ARHGAP20: variants seen among roughly 807,000 people sequenced by gnomAD.
ARHGAP20 encodes the protein Rho GTPase activating protein 20.
A neutral mutation model predicts 73.7 loss-of-function variants in ARHGAP20; 34 were observed. The ratio of observed to expected loss-of-function variants is 0.46; its 90% CI spans 0.35 to 0.61. The LOEUF (loss-of-function observed/expected upper bound fraction) is 0.61. ARHGAP20 is among the 20% of genes least tolerant of loss of function. ARHGAP20 has a pLI of 0.00. For synonymous variants in ARHGAP20, 523 were observed against 518.2 expected, an observed-to-expected ratio of 1.01 and a Z score of -0.13; for missense variants, 1,314 against 1,420.9, an observed-to-expected ratio of 0.92 and a Z score of 1.21.
chr11:110,646,000 A>G (rs1357666564), intron 2 of ARHGAP20, among the ~76,000 whole-genome samples: 1 of 152,166 alleles, frequency 6.6e-6, no homozygotes, highest in Non-Finnish European at 1.5e-5. Context: ...AAGGGCTGAG[A>G]AACTACCTAT....
intron 3 of ARHGAP20, among the ~76,000 whole-genome samples, chr11:110,627,803 C>G (rs2134947038): frequency 6.6e-6 from 1 of 152,210 alleles, no homozygotes; most frequent in East Asian, 1.9e-4. Flanking sequence ...ATATTAACTT[C>G]TTTCTAAATA....
At chr11:110,603,122 G>A (rs538817993) in intron 9 of ARHGAP20, among the ~76,000 whole-genome samples, 1 of 152,204 alleles carries the variant, frequency 6.6e-6, no homozygotes, top group Non-Finnish European at 1.5e-5. Flanking sequence ...GATCAGTACT[G>A]TCAACAGTGA....
At chr11:110,669,036 A>G (rs747094347) in intron 2 of ARHGAP20, among the ~76,000 whole-genome samples, 3 of 152,194 alleles carry the variant, frequency 2.0e-5, no homozygotes, top group African/African-American at 7.2e-5. Context: ...GAAAACATAG[A>G]AGGAAATTTT....
intron 2 of ARHGAP20, among the ~76,000 whole-genome samples, chr11:110,677,092 CTTCA>C (rs1005725661): frequency 6.6e-6 from 1 of 152,134 alleles, no homozygotes; most frequent in African/African-American, 2.4e-5. Context: ...TTTGGTTGGT[CTTCA>C]TTATCATGAT....
At chr11:110,634,030 T>C (rs943512399) in intron 2 of ARHGAP20, among the ~76,000 whole-genome samples, 1 of 152,064 alleles carries the variant, frequency 6.6e-6, no homozygotes, top group Non-Finnish European at 1.5e-5. Flanking sequence ...AGAGAACCTA[T>C]GAACAAAGAT....
At chr11:110,620,629 G>C (rs1000186765) in intron 4 of ARHGAP20, among the ~76,000 whole-genome samples, 2 of 152,036 alleles carry the variant, frequency 1.3e-5, no homozygotes, top group Non-Finnish European at 2.9e-5. Context: ...TGAAAAACTT[G>C]TGTTAACATT....
chr11:110,684,310 TTAAAG>T (rs2135101090), intron 2 of ARHGAP20, among the ~76,000 whole-genome samples: 1 of 152,174 alleles, frequency 6.6e-6, no homozygotes, highest in African/African-American at 2.4e-5. Context: ...TAGTGAACCT[TTAAAG>T]TAACAGTATT....
In ARHGAP20 at chr11:110,582,403, A is replaced by G; in HGVS notation, c.1638T>C (p.Asn546=). ...TTTCTTCTCCAAATATCCTAAGGCAATTCTCAATCAGAAATTGTATAAGCA... is the reference window on the plus strand; with the variant it reads ...TTTCTTCTCCAAATATCCTAAGGCAGTTCTCAATCAGAAATTGTATAAGCA... The part of the protein sequence containing the change: ...VSLLIQFLIE[N]CLRIFGEEIT... Residue 546 remains asparagine, a synonymous_variant, in exon 14 of 15, where the codon AAT becomes AAC. Transcript: ENST00000683387. 1 of 1,613,712 alleles carries G rather than the reference A, an allele frequency of 6.2e-7. No homozygotes were observed. Among genetic ancestry groups the G allele is most frequent in the Non-Finnish European group, 8.5e-7 (1 of 1,179,632 alleles).
Position 110,577,077 on chromosome 11 carries a change from C to T in ARHGAP20, c.*2293G>A. The T allele has an allele frequency of 6.7e-7, 1 of 1,502,158 alleles. No individual in the cohort carries two copies. The highest frequency in any genetic ancestry group is 8.9e-7 in the Non-Finnish European group (1 of 1,123,218). 93.1% of individuals were successfully genotyped at this position (1,502,158 alleles called of 1,614,324 possible). On this transcript the variant is annotated 3_prime_UTR_variant, in exon 15 of 15. Coordinates refer to ENST00000683387, the MANE Select transcript of ARHGAP20 (RefSeq NM_001384657.1). ...TTCTGCAGAATGGCATTTTATTTAACAGACAGCATGGACTTCATACATATC... is the reference window on the plus strand; with the variant it reads ...TTCTGCAGAATGGCATTTTATTTAATAGACAGCATGGACTTCATACATATC...
chr11:110,662,857 C>T (rs1357073722), intron 2 of ARHGAP20, among the ~76,000 whole-genome samples: 1 of 151,868 alleles, frequency 6.6e-6, no homozygotes, highest in Non-Finnish European at 1.5e-5. Context: ...CAAATGTAGT[C>T]TTGGAGAAAT....
rs117351471 is a variant in ARHGAP20, at chr11:110,617,120, G to A, written c.504-1526C>T. ...ACTTCCAACAGCACAGAATAGTTTT[G>A]CATGTTTGAGTACTTTATATAAATG... On this transcript the variant is annotated intron_variant, in intron 4 of 14. Transcript: ENST00000683387. Among the ~76,000 whole-genome samples, 954 of 152,154 alleles carry A rather than the reference G, an allele frequency of 6.3e-3. 8 individuals carry two copies. Among genetic ancestry groups the A allele is most frequent in the Middle Eastern group, 0.014 (4 of 294 alleles).
intron 1 of ARHGAP20, among the ~76,000 whole-genome samples, chr11:110,695,696 G>A (rs1950322724): frequency 6.6e-6 from 1 of 151,508 alleles, no homozygotes. Context: ...GTGAGGATTG[G>A]AGACTGGACT....
chr11:110,696,735 C>T (rs1272519746), intron 1 of ARHGAP20, among the ~76,000 whole-genome samples: 1 of 151,580 alleles, frequency 6.6e-6, no homozygotes, highest in Non-Finnish European at 1.5e-5. Context: ...ACCCACCTCC[C>T]TTTTGGAGTC....
In ARHGAP20 at chr11:110,581,022, C is replaced by CCAAGTCAAA; in HGVS notation, c.1915_1923dup (p.Phe639_Leu641dup). On this transcript the variant is annotated inframe_insertion, in exon 15 of 15. Transcript: ENST00000683387. ...TGAACATCTTCATCTTTAGAATGGG[C>CCAAGTCAAA]CAAGTCAAAGTCGCTTAGGGTTAAA... The CCAAGTCAAA allele has an allele frequency of 2.5e-6, 4 of 1,614,130 alleles. No homozygotes were observed. Among genetic ancestry groups the CCAAGTCAAA allele is most frequent in the African/African-American group, 1.3e-5 (1 of 75,046 alleles).
At chr11:110,597,108 G>A (rs2134847119) in intron 9 of ARHGAP20, among the ~76,000 whole-genome samples, 1 of 144,210 alleles carries the variant, frequency 6.9e-6, no homozygotes, top group Non-Finnish European at 1.5e-5. Flanking sequence ...CATGGACACA[G>A]GAAGGGGAAC....
intron 1 of ARHGAP20, chr11:110,711,918 A>C (rs1950668480): frequency 5.6e-6 from 7 of 1,256,802 alleles, no homozygotes; most frequent in Admixed American, 4.2e-5. Flanking sequence ...CTAGAAACGG[A>C]GAAGCGGGCG....
Position 110,580,360 on chromosome 11 carries a change from T to C in ARHGAP20, c.2586A>G (p.Gly862=), listed in dbSNP as rs779932772. The stretch of plus-strand genomic sequence containing the variant: ...TTTTATGTTGTTTCTTTGAATAAAT[T>C]CCCCTGAGATAGGTCAGCTTGCGGT... The part of the protein sequence containing the change: ...DQNRKLTYLR[G]IYSKKQHKTS... Residue 862 remains glycine, a synonymous_variant, in exon 15 of 15, where the codon GGA becomes GGG. Transcript: ENST00000683387. 1 of 1,614,202 alleles carries C rather than the reference T, an allele frequency of 6.2e-7. No homozygotes were observed.
chr11:110,644,997 T>TTCTATCTCTCTCTCTCTCTC (rs1555094126), intron 2 of ARHGAP20, among the ~76,000 whole-genome samples: 1 of 150,412 alleles, frequency 6.6e-6, no homozygotes, highest in African/African-American at 2.4e-5. Flanking sequence ...GAACAGACAC[T>TTCTATCTCTCTCTCTCTCTC]TCTCTCTCTC....
At chr11:110,593,788 G>C (rs1947886547) in intron 9 of ARHGAP20, among the ~76,000 whole-genome samples, 1 of 152,176 alleles carries the variant, frequency 6.6e-6, no homozygotes, top group African/African-American at 2.4e-5. Flanking sequence ...CATTCACAGG[G>C]GCAGATTCAA....
Sources: gnomAD v4.1 joint callset for allele counts (sites outside exome capture counted in the v4.1 genomes callset) on GRCh38, gnomAD v4.1.1 for gene constraint, MANE v1.5 for transcripts, NCBI Gene and HGNC (gene_info 2026-07-23, HGNC 2026-07-21) for gene names.